The following EYS variants were observed in gnomAD, a reference collection of about 807,000 sequenced individuals.
EYS encodes protein eyes shut homolog.
A neutral mutation model predicts 282.1 loss-of-function variants in EYS; 250 were observed. The ratio of observed to expected loss-of-function variants is 0.89; its 90% confidence interval spans 0.80 to 0.98. The LOEUF is 0.98. Ranked by LOEUF, EYS falls within the 50% of genes least tolerant of loss-of-function variation. EYS has a pLI of 0.00. For missense variants in EYS, 4,016 were observed against 3,709.0 expected (o/e 1.08, Z -2.15); for synonymous variants, 1,355 against 1,282.9 (o/e 1.06, Z -1.20).
At chr6:65,069,503 G>T (rs1029782655) in intron 12 of EYS, among the ~76,000 whole-genome samples, 1 of 151,728 alleles carries the variant, frequency 6.6e-6, no homozygotes, top group East Asian at 1.9e-4. Context: ...ACATAATCTC[G>T]AGATGACATT....
intron 8 of EYS, among the ~76,000 whole-genome samples, chr6:65,368,886 A>G (rs188076986): frequency 4.7e-4 from 72 of 151,654 alleles, no homozygotes; most frequent in African/African-American, 1.7e-3. Flanking sequence ...GAGAGATGAG[A>G]GGAGATGTAA....
chr6:65,523,481 A>T (rs1232557677), intron 2 of EYS, among the ~76,000 whole-genome samples: 3 of 152,196 alleles, frequency 2.0e-5, no homozygotes, highest in Admixed American at 1.3e-4. Context: ...AAAACAGTAC[A>T]TCTCTTAGAA....
intron 1 of EYS, among the ~76,000 whole-genome samples, chr6:65,669,855 G>A (rs1768330329): frequency 6.6e-6 from 1 of 151,898 alleles, no homozygotes; most frequent in African/African-American, 2.4e-5. Context: ...TGGAAAAAAT[G>A]GGTTAAACTC....
At chr6:64,539,825 T>G (rs912489718) in intron 26 of EYS, among the ~76,000 whole-genome samples, 9 of 152,198 alleles carry the variant, frequency 5.9e-5, no homozygotes, top group Admixed American at 1.3e-4. Flanking sequence ...TCATTCACAC[T>G]AGTAGGACAG....
Position 63,720,120 on chromosome 6 carries a change from A to G in EYS, c.*476T>C, listed in dbSNP as rs1207012171. 1 of 160,714 alleles carries G rather than the reference A, an allele frequency of 6.2e-6. No individual in the cohort carries two copies. Among genetic ancestry groups the G allele is most frequent in the East Asian group, 1.8e-4 (1 of 5,616 alleles). The allele number at this position is 160,714 out of a possible 1,614,324, so 10.0% of individuals were successfully genotyped here. On this transcript the variant is annotated 3_prime_UTR_variant, in exon 43 of 43. Coordinates refer to ENST00000503581, the MANE Select transcript of EYS (RefSeq NM_001142800.2). Reference sequence around the variant, plus strand: ...CATATAAATAAGTTGTAGCTAAGCCATGTAATACAATATGGTTACATTGCT... The same window carrying G: ...CATATAAATAAGTTGTAGCTAAGCCGTGTAATACAATATGGTTACATTGCT...
intron 31 of EYS, among the ~76,000 whole-genome samples, chr6:64,161,781 A>G (rs1490274375): frequency 5.3e-5 from 8 of 152,206 alleles, no homozygotes; most frequent in Non-Finnish European, 4.4e-5. Flanking sequence ...GAAGGGACTC[A>G]GATGATCTCT....
intron 22 of EYS, among the ~76,000 whole-genome samples, chr6:64,703,427 A>ATTTTTTTTTT (rs1488123469): frequency 0.016 from 463 of 28,342 alleles, 7 homozygotes; most frequent in Middle Eastern, 0.031. Context: ...ATATATATAT[A>ATTTTTTTTTT]TATTTTTTTT....
chr6:64,129,699 C>T (rs1773902477), intron 31 of EYS, among the ~76,000 whole-genome samples: 1 of 151,298 alleles, frequency 6.6e-6, no homozygotes, highest in South Asian at 2.1e-4. Context: ...ACATGAAGTC[C>T]TTGTCCATGC....
intron 39 of EYS, 138 bp downstream of exon 39, chr6:63,787,967 G>T: frequency 1.6e-6 from 1 of 638,794 alleles, no homozygotes; most frequent in Non-Finnish European, 2.5e-6. Flanking sequence ...GAATGTTTCT[G>T]ATTAAAATCA....
chr6:65,549,416 A>T (rs7767793), intron 2 of EYS, among the ~76,000 whole-genome samples: 1 of 152,132 alleles, frequency 6.6e-6, no homozygotes, highest in East Asian at 1.9e-4. Flanking sequence ...TGCAGCCTGA[A>T]CCCATATATG....
chr6:65,077,398 CTA>C (rs1325348128), intron 12 of EYS, among the ~76,000 whole-genome samples: 11 of 152,036 alleles, frequency 7.2e-5, no homozygotes, highest in Admixed American at 7.2e-4. Context: ...TGCATTAACA[CTA>C]TGATTCAATA....
At chr6:64,295,598 G>A (rs1017890101) in intron 30 of EYS, among the ~76,000 whole-genome samples, 1 of 141,874 alleles carries the variant, frequency 7.0e-6, no homozygotes, top group Non-Finnish European at 1.5e-5. Context: ...GTGCAGTGGC[G>A]GGCGTCTGTA....
rs546986886 is a variant in EYS at position 63,820,432 on chromosome 6, C to T, written c.7229-14060G>A. 3.3e-5 allele frequency among the ~76,000 whole-genome samples: 5 copies of T among 152,186 alleles called. No homozygotes were observed. The South Asian group carries it at 1.0e-3, about 32-fold the overall frequency. On this transcript the variant is annotated intron_variant, in intron 36 of 42. Coordinates refer to ENST00000503581, the MANE Select transcript of EYS (RefSeq NM_001142800.2). ...TTCTACTGACTTTAGATGTGAAATC[C>T]TTTGCAATTCAATAGTTTTAAAAAA...
chr6:64,822,530 G>T (rs1764929219), intron 20 of EYS, 121 bp downstream of exon 20: 3 of 811,794 alleles, frequency 3.7e-6, no homozygotes, highest in South Asian at 2.0e-5. Context: ...AATGTACTTA[G>T]CTCTTGTTTT....
intron 19 of EYS, among the ~76,000 whole-genome samples, chr6:64,860,029 T>C (rs566116947): frequency 1.3e-5 from 2 of 152,184 alleles, no homozygotes; most frequent in African/African-American, 4.8e-5. Context: ...TTTGTGGCAG[T>C]TTTTCTTTGT....
At chr6:65,693,544 G>T (rs1370626318) in intron 1 of EYS, among the ~76,000 whole-genome samples, 1 of 148,648 alleles carries the variant, frequency 6.7e-6, no homozygotes, top group Non-Finnish European at 1.5e-5. Flanking sequence ...TTTTTAACAT[G>T]AGGTTACAAA....
chr6:64,651,495 A>C (rs539734918), intron 22 of EYS, among the ~76,000 whole-genome samples: 1 of 152,270 alleles, frequency 6.6e-6, no homozygotes, highest in East Asian at 1.9e-4. Flanking sequence ...GAGGAAGGGA[A>C]AATACAGGGC....
At position 64,663,821 on chromosome 6, in the gene EYS, T is replaced by G. The variant is rs192580497; in HGVS notation, c.3444-37576A>C. 4.1e-3 allele frequency among the ~76,000 whole-genome samples: 630 copies of G among 152,226 alleles called. 2 individuals carry two copies. The highest frequency in any genetic ancestry group is 7.2e-3 in the Non-Finnish European group (493 of 68,002). Reference sequence around the variant, plus strand: ...ACCTGGGGTTCTTGGCCTCAAGGATTCCAAGGAATAGAACCTTGGGCCATG... The same window carrying G: ...ACCTGGGGTTCTTGGCCTCAAGGATGCCAAGGAATAGAACCTTGGGCCATG... On this transcript the variant is annotated intron_variant, in intron 22 of 42. Transcript: ENST00000503581.
intron 19 of EYS, among the ~76,000 whole-genome samples, chr6:64,855,353 C>A (rs1766024493): frequency 6.6e-6 from 1 of 152,016 alleles, no homozygotes; most frequent in South Asian, 2.1e-4. Flanking sequence ...TGTTTTATGT[C>A]TTTTCATAGC....
Sources: allele counts gnomAD v4.1 joint callset (sites outside exome capture counted in the v4.1 genomes callset), GRCh38; gene constraint gnomAD v4.1.1; transcripts MANE v1.5; gene names NCBI Gene and HGNC (gene_info 2026-07-23, HGNC 2026-07-21).